Variants in LETM1 observed in about 807,000 individuals in gnomAD.
LETM1 encodes the protein mitochondrial proton/calcium exchanger protein.
LETM1 carries 50 observed loss-of-function variants against 74.5 expected under a neutral mutation model. That is an observed-to-expected ratio of 0.67 (90% confidence interval 0.53 to 0.85). The LOEUF (loss-of-function observed/expected upper bound fraction) is 0.85, where lower values mean the gene tolerates loss of function less well. LETM1 is among the 40% of genes least tolerant of loss of function. LETM1 has a pLI of 0.00. For synonymous variants in LETM1, 446 were observed against 407.1 expected (o/e 1.10, Z -1.15); for missense variants, 824 against 967.8 (o/e 0.85, Z 1.97).
chr4:1,846,003 G>A (rs543003227), intron 2 of LETM1, among the ~76,000 whole-genome samples: 34 of 149,874 alleles, frequency 2.3e-4, no homozygotes, highest in African/African-American at 6.9e-4. Flanking sequence ...GACTACAGGC[G>A]CGCACCATCA....
intron 2 of LETM1, among the ~76,000 whole-genome samples, chr4:1,847,968 C>G (rs1712939820): frequency 6.6e-6 from 1 of 150,602 alleles, no homozygotes; most frequent in Non-Finnish European, 1.5e-5. Context: ...TGCATTCCAG[C>G]TTGGTGACAG....
rs958075326 is a variant in LETM1, at chr4:1,856,067, G to A, written c.-117C>T. 2 of 580,038 alleles carry A rather than the reference G, an allele frequency of 3.4e-6. No individual in the cohort carries two copies. Among genetic ancestry groups the A allele is most frequent in the Admixed American group, 4.7e-5 (1 of 21,242 alleles). The allele number at this position is 580,038 out of a possible 1,614,324, so 35.9% of individuals were successfully genotyped here. A position where few individuals can be genotyped will look rare whatever the true frequency, so the allele number is the denominator to read the frequency against. Reference sequence around the variant, plus strand: ...CCGGCCCGCGCGGACGGCTGACAGAGGCGGCTGGCCTCGGACGGGAGGCGC... The same window carrying A: ...CCGGCCCGCGCGGACGGCTGACAGAAGCGGCTGGCCTCGGACGGGAGGCGC... On this transcript the variant is annotated 5_prime_UTR_variant, in exon 1 of 14. Coordinates refer to ENST00000302787, the MANE Select transcript of LETM1 (RefSeq NM_012318.3).
intron 4 of LETM1, 142 bp from the exon 5 acceptor site, chr4:1,835,124 A>C: frequency 2.2e-5 from 17 of 787,912 alleles, no homozygotes; most frequent in Non-Finnish European, 3.2e-5. Context: ...ATACATTCTC[A>C]AACTCTTTTA....
At position 1,814,278 on chromosome 4, in the gene LETM1, T is replaced by C. The variant is rs572275784; in HGVS notation, c.*146A>G. 3 of 1,279,612 alleles carry C rather than the reference T, an allele frequency of 2.3e-6. No individual in the cohort carries two copies. The East Asian group carries it at 7.0e-5, about 30-fold the overall frequency. 79.3% of individuals were successfully genotyped at this position (1,279,612 alleles called of 1,614,324 possible). ...CTGAATCTCCGTGGAATGATGAAAA[T>C]TAAAATTTACTTGATTATGGAAGTC... On this transcript the variant is annotated 3_prime_UTR_variant, in exon 14 of 14. Coordinates refer to ENST00000302787, the MANE Select transcript of LETM1 (RefSeq NM_012318.3).
At chr4:1,822,898 G>A in intron 9 of LETM1, 90 bp downstream of exon 9, 1 of 1,178,462 alleles carries the variant, frequency 8.5e-7, no homozygotes, top group African/African-American at 1.6e-5. Context: ...GGGCAAGCAT[G>A]CGGGAGGCCA....
At chr4:1,824,659 G>A (rs904921405) in intron 7 of LETM1, among the ~76,000 whole-genome samples, 2 of 152,118 alleles carry the variant, frequency 1.3e-5, no homozygotes, top group African/African-American at 2.4e-5. Flanking sequence ...CATGACACTC[G>A]GGCCCCCAAT....
At chr4:1,815,940 C>T in intron 12 of LETM1, 138 bp from the exon 13 acceptor site, 1 of 977,482 alleles carries the variant, frequency 1.0e-6, no homozygotes, top group African/African-American at 1.6e-5. Context: ...AGCACGGACC[C>T]CCAAGGTATG....
At chr4:1,848,262 G>A (rs1712948971) in intron 2 of LETM1, among the ~76,000 whole-genome samples, 1 of 152,020 alleles carries the variant, frequency 6.6e-6, no homozygotes, top group South Asian at 2.1e-4. Flanking sequence ...AAATTAGCCA[G>A]GTGCGGCCGG....
chr4:1,822,928 G>C (rs1056013691), intron 9 of LETM1, 60 bp downstream of exon 9: 1 of 1,317,680 alleles, frequency 7.6e-7, no homozygotes, highest in African/African-American at 1.5e-5. Flanking sequence ...GCGTGCGGGG[G>C]TTTCTAGGGA....
At chr4:1,831,489 G>A (rs1283553141) in intron 6 of LETM1, among the ~76,000 whole-genome samples, 1 of 152,250 alleles carries the variant, frequency 6.6e-6, no homozygotes, top group Non-Finnish European at 1.5e-5. Context: ...CTGGGCAGTG[G>A]TCAAAGTCCC....
intron 7 of LETM1, among the ~76,000 whole-genome samples, chr4:1,824,864 G>A (rs1400905904): frequency 6.6e-6 from 1 of 152,268 alleles, no homozygotes; most frequent in Non-Finnish European, 1.5e-5. Flanking sequence ...GGCTGTGGAA[G>A]GCAGGGGGTG....
chr4:1,839,135 G>T (rs1712597442), intron 3 of LETM1, among the ~76,000 whole-genome samples: 1 of 152,128 alleles, frequency 6.6e-6, no homozygotes, highest in South Asian at 2.1e-4. Flanking sequence ...AGAAAATGGA[G>T]AATCTTTTCA....
rs375725770 is a variant in LETM1, at chr4:1,835,032, G to A, written c.739-50C>T. On this transcript the variant is annotated intron_variant, in intron 4 of 13. Transcript: ENST00000302787. ...ATTCCAACTGCTCAGACTGTGGTTC[G>A]GGCAAGGAAAACATCTCACGCCTGT... is the stretch of plus-strand genomic sequence containing the variant. The A allele has an allele frequency of 1.6e-4, 260 of 1,588,914 alleles. 1 individual carries two copies. The African/African-American group carries it at 2.8e-3, about 17-fold the overall frequency.
chr4:1,814,517 C>T lies in LETM1; in HGVS notation c.2127G>A (p.Glu709=), dbSNP rs748250467. The change falls in exon 14 of 14, where the codon GAG becomes GAA. Residue 709 remains glutamate (E), a synonymous_variant. Transcript: ENST00000302787. ...DVHISTSQVA[E]IVATLEKEEK... ...CCTCTTTTTCCAGTGTTGCTACAAT[C>T]TCAGCCACCTGGCTGGTGGAGATGT... The T allele has an allele frequency of 2.5e-6, 4 of 1,614,038 alleles. No individual in the cohort carries two copies. Among genetic ancestry groups the T allele is most frequent in the Admixed American group, 3.3e-5 (2 of 60,000 alleles).
At chr4:1,843,149 T>C in intron 2 of LETM1, 1 of 210,316 alleles carries the variant, frequency 4.8e-6, no homozygotes, top group South Asian at 5.4e-5. Flanking sequence ...TACTTACTGC[T>C]GCGTGACCTT....
chr4:1,823,765 A>G lies in LETM1; in HGVS notation c.1211T>C (p.Leu404Pro). ...TGTGGGGATCTCCTGATGCAGGTGCAGGTCCAGCCACTGCAACCAAGGCCA... is the reference window on the plus strand; with the variant it reads ...TGTGGGGATCTCCTGATGCAGGTGCGGGTCCAGCCACTGCAACCAAGGCCA... ...LRGQLKQWLD[L>P]HLHQEIPTSL... Residue 404 changes from leucine to proline, a missense_variant, in exon 8 of 14, where the codon CTG becomes CCG. This residue lies in a region of LETM1 where 172 missense variants were observed against 170.7 expected (regional missense o/e 1.01). Coordinates refer to ENST00000302787, the MANE Select transcript of LETM1 (RefSeq NM_012318.3). 6.2e-7 allele frequency: 1 copy of G among 1,609,872 alleles called. No individual in the cohort carries two copies.
chr4:1,824,252 C>T (rs1468941340), intron 7 of LETM1, among the ~76,000 whole-genome samples: 1 of 152,124 alleles, frequency 6.6e-6, no homozygotes, highest in East Asian at 1.9e-4. Flanking sequence ...ACCAGGGAGG[C>T]GGAGGTTGTT....
chr4:1,839,461 G>C (rs946296826), intron 3 of LETM1: 11 of 152,354 alleles, frequency 7.2e-5, no homozygotes, highest in African/African-American at 2.4e-4. Flanking sequence ...ATCGAGAGTG[G>C]GTGGAGCTGT....
At chr4:1,817,718 A>T (rs1028744895) in intron 11 of LETM1, among the ~76,000 whole-genome samples, 1 of 152,196 alleles carries the variant, frequency 6.6e-6, no homozygotes, top group Non-Finnish European at 1.5e-5. Context: ...CTGAATCTCA[A>T]TTTCCTTCAC....
Sources: gnomAD v4.1 joint callset for allele counts (sites outside exome capture counted in the v4.1 genomes callset) on GRCh38, gnomAD v4.1.1 for gene constraint, gnomAD v4.1.1 regional missense constraint, MANE v1.5 for transcripts, NCBI Gene and HGNC (gene_info 2026-07-23, HGNC 2026-07-21) for gene names.